The following DYNLL1 variants were observed in gnomAD, a reference collection of about 807,000 sequenced individuals.
DYNLL1 encodes the protein dynein light chain LC8-type 1.
A neutral mutation model predicts 10.1 loss-of-function variants in DYNLL1; 3 were observed. The ratio of observed to expected loss-of-function variants is 0.30; its 90% confidence interval spans 0.14 to 0.77. The LOEUF is 0.77. Ranked by LOEUF, DYNLL1 falls within the 30% of genes least tolerant of loss-of-function variation. The pLI is 0.66. For missense variants in DYNLL1, 47 were observed against 111.7 expected (o/e 0.42, Z 2.61); for synonymous variants, 46 against 41.2 (o/e 1.12, Z -0.45).
intron 2 of DYNLL1, chr12:120,497,410 A>C (rs1333136837): frequency 1.3e-5 from 2 of 152,694 alleles, no homozygotes; most frequent in African/African-American, 4.8e-5. Flanking sequence ...AGGGTAGTAG[A>C]TTAGCATCAT....
At chr12:120,478,296 G>A (rs185284042) in intron 1 of DYNLL1, among the ~76,000 whole-genome samples, 13 of 150,294 alleles carry the variant, frequency 8.6e-5, no homozygotes, top group African/African-American at 1.2e-4. Flanking sequence ...TAGTAGAGAC[G>A]AGGTTTCTCC....
intron 1 of DYNLL1, among the ~76,000 whole-genome samples, chr12:120,471,561 C>G (rs1370380494): frequency 6.6e-6 from 1 of 152,076 alleles, no homozygotes; most frequent in Non-Finnish European, 1.5e-5. Context: ...ATACATCAGG[C>G]TTTCATAATA....
chr12:120,498,376 G>T lies in DYNLL1; in HGVS notation c.*166G>T. The T allele has an allele frequency of 1.4e-6, 1 of 723,802 alleles. No homozygotes were observed. The highest frequency in any genetic ancestry group is 2.0e-6 in the Non-Finnish European group (1 of 487,910). 44.8% of individuals were successfully genotyped at this position (723,802 alleles called of 1,614,324 possible). Reference sequence around the variant, plus strand: ...GCATTCTCTGTACTAGTTTGTCGTGGTTATAAAACAATTAGCAGAATAGCC... The same window carrying T: ...GCATTCTCTGTACTAGTTTGTCGTGTTTATAAAACAATTAGCAGAATAGCC... On this transcript the variant is annotated 3_prime_UTR_variant, in exon 3 of 3. Coordinates refer to ENST00000242577, the MANE Select transcript of DYNLL1 (RefSeq NM_003746.3).
chr12:120,488,608 C>T (rs1475465786), intron 1 of DYNLL1: 1 of 152,228 alleles, frequency 6.6e-6, no homozygotes, highest in East Asian at 1.9e-4. Flanking sequence ...AGGTGCTCAA[C>T]AAATGTCTGC....
intron 1 of DYNLL1, among the ~76,000 whole-genome samples, chr12:120,488,980 C>T (rs935523423): frequency 6.6e-6 from 1 of 152,152 alleles, no homozygotes; most frequent in African/African-American, 2.4e-5. Context: ...CAAGGCTCAT[C>T]CTCTACATGG....
upstream of DYNLL1, among the ~76,000 whole-genome samples, chr12:120,495,019 G>A (rs1167972749): frequency 6.6e-6 from 1 of 152,082 alleles, no homozygotes; most frequent in East Asian, 1.9e-4. Flanking sequence ...GTTTAATACT[G>A]CTAACAAGCG....
At chr12:120,484,698 G>A (rs1171740708) in intron 1 of DYNLL1, among the ~76,000 whole-genome samples, 2 of 151,414 alleles carry the variant, frequency 1.3e-5, no homozygotes, top group South Asian at 4.2e-4. Flanking sequence ...AGCAACTTAA[G>A]TGTCCACTGA....
At chr12:120,496,051 G>A (rs1056981205), upstream of DYNLL1, 2 of 366,570 alleles carry the variant, frequency 5.5e-6, no homozygotes, top group South Asian at 2.9e-5. Flanking sequence ...GCGAGGGGCG[G>A]GGCCGGCGGG....
At chr12:120,486,910 C>T (rs1879006653) in intron 1 of DYNLL1, among the ~76,000 whole-genome samples, 1 of 152,132 alleles carries the variant, frequency 6.6e-6, no homozygotes, top group African/African-American at 2.4e-5. Context: ...TCCCTACCCA[C>T]TACCTTTCAG....
chr12:120,494,297 T>TG (rs1190318777), upstream of DYNLL1, among the ~76,000 whole-genome samples: 1 of 151,728 alleles, frequency 6.6e-6, no homozygotes, highest in Non-Finnish European at 1.5e-5. Flanking sequence ...TTCCTTTTTT[T>TG]TTTTTTTGAG....
At chr12:120,496,865 G>A in intron 2 of DYNLL1, 1 of 554,966 alleles carries the variant, frequency 1.8e-6, no homozygotes, top group Non-Finnish European at 3.1e-6. Flanking sequence ...GGATCCATCT[G>A]GGTGTTCCGG....
Position 120,498,046 on chromosome 12 carries a change from C to A in DYNLL1, c.133-27C>A, listed in dbSNP as rs767577870. The A allele has an allele frequency of 3.7e-6, 6 of 1,608,696 alleles. No homozygotes were observed. The South Asian group carries it at 5.5e-5, about 15-fold the overall frequency. ...ACACTGACCTCTGGTAATTAAAATCCTAGTTCTTTTCTTTTGTCTTTTCCA... is the reference window on the plus strand; with the variant it reads ...ACACTGACCTCTGGTAATTAAAATCATAGTTCTTTTCTTTTGTCTTTTCCA... On this transcript the variant is annotated intron_variant, in intron 2 of 2. Transcript: ENST00000242577.
chr12:120,494,310 G>C (rs3759392), upstream of DYNLL1, among the ~76,000 whole-genome samples: 3 of 148,378 alleles, frequency 2.0e-5, no homozygotes, highest in African/African-American at 7.5e-5. Flanking sequence ...TTTTTGAGAC[G>C]GAGTTGCCCA....
rs554989357 is a variant in DYNLL1 at position 120,475,222 on chromosome 12, G to A, written c.-7+5118G>A. Among the ~76,000 whole-genome samples, 4 of 152,264 alleles carry A rather than the reference G, an allele frequency of 2.6e-5. No individual in the cohort carries two copies. The South Asian group carries it at 8.3e-4, about 32-fold the overall frequency. On this transcript the variant is annotated intron_variant, in intron 1 of 2. Coordinates refer to the DYNLL1 transcript ENST00000392509. ...ATGAACTGGTGTTTTCTTTGAATAT[G>A]CCCAAACAGGTGGGAACACAAGGGC...
At chr12:120,479,508 A>G (rs551750868) in intron 1 of DYNLL1, among the ~76,000 whole-genome samples, 58 of 150,874 alleles carry the variant, frequency 3.8e-4, no homozygotes, top group Non-Finnish European at 7.2e-4. Flanking sequence ...TTAAAAAGGC[A>G]ATTATAACAA....
At chr12:120,470,653 T>C (rs1027909427) in intron 1 of DYNLL1, among the ~76,000 whole-genome samples, 19 of 151,428 alleles carry the variant, frequency 1.3e-4, no homozygotes, top group African/African-American at 4.1e-4. Flanking sequence ...GAGAGGCTGG[T>C]CTCGAACTCC....
upstream of DYNLL1, chr12:120,496,101 G>C (rs888549866): frequency 4.4e-6 from 2 of 455,220 alleles, no homozygotes; most frequent in Non-Finnish European, 8.0e-6. Context: ...GGCGGCTGGC[G>C]TGGGGCTGCT....
chr12:120,473,551 C>T (rs1303303272), intron 1 of DYNLL1, among the ~76,000 whole-genome samples: 1 of 151,228 alleles, frequency 6.6e-6, no homozygotes, highest in Non-Finnish European at 1.5e-5. Flanking sequence ...AAAAATTAGT[C>T]GGAGGTGGTG....
At chr12:120,471,320 C>G (rs1878646144) in intron 1 of DYNLL1, among the ~76,000 whole-genome samples, 1 of 151,742 alleles carries the variant, frequency 6.6e-6, no homozygotes, top group Non-Finnish European at 1.5e-5. Context: ...TTGCAGTGAG[C>G]CGAGATTGTG....
Sources: gnomAD v4.1 joint callset for allele counts (sites outside exome capture counted in the v4.1 genomes callset) on GRCh38, gnomAD v4.1.1 for gene constraint, MANE v1.5 for transcripts, NCBI Gene and HGNC (gene_info 2026-07-23, HGNC 2026-07-21) for gene names.